The following ASB16 variants were observed in gnomAD, a reference collection of about 807,000 sequenced individuals.
ASB16 encodes the protein ankyrin repeat and SOCS box containing 16.
In ASB16, 44 loss-of-function variants were observed where a neutral mutation model predicts 39.1. That is an observed-to-expected ratio of 1.13 (90% CI 0.88 to 1.45). The LOEUF is 1.45. Among genes scored for constraint, ASB16 ranks in the 40% most tolerant of loss-of-function variants. The pLI is 0.00. For missense variants in ASB16, 698 were observed against 634.5 expected, an observed-to-expected ratio of 1.10 and a Z score of -1.07; for synonymous variants, 305 against 286.7, an observed-to-expected ratio of 1.06 and a Z score of -0.64.
rs926436702 is a variant in ASB16, at chr17:44,177,068, C to G, written c.900C>G (p.Ala300=). ...NACANGCGGL[A]ELLLRYGARA... ...GTGCCAACGGCTGCGGGGGCCTGGCCGAGCTGCTGCTGCGTTACGGGGCCC... is the reference window on the plus strand; with the variant it reads ...GTGCCAACGGCTGCGGGGGCCTGGCGGAGCTGCTGCTGCGTTACGGGGCCC... The change falls in exon 3 of 5, where the codon GCC becomes GCG. Residue 300 remains alanine (A), a synonymous_variant. Transcript: ENST00000293414. 1 of 1,472,334 alleles carries G rather than the reference C, an allele frequency of 6.8e-7. No homozygotes were observed. The highest frequency in any genetic ancestry group is 8.9e-7 in the Non-Finnish European group (1 of 1,124,836). 91.2% of individuals were successfully genotyped at this position (1,472,334 alleles called of 1,614,324 possible). A position where few individuals can be genotyped will look rare whatever the true frequency, so the allele number is the denominator to read the frequency against.
At chr17:44,172,678 T>TGCCTG in intron 2 of ASB16, among the ~76,000 whole-genome samples, 1 of 151,646 alleles carries the variant, frequency 6.6e-6, no homozygotes, top group South Asian at 2.1e-4. Flanking sequence ...CAGGCTGTAG[T>TGCCTG]GCAGTGGCGT....
At chr17:44,175,494 T>C (rs2054280762) in intron 2 of ASB16, among the ~76,000 whole-genome samples, 4 of 151,698 alleles carry the variant, frequency 2.6e-5, no homozygotes, top group Admixed American at 2.0e-4. Flanking sequence ...TTCAGTAGCT[T>C]ATGGAAGACT....
chr17:44,171,774 G>A lies in ASB16; in HGVS notation c.302-272G>A, dbSNP rs144467614. Among the ~76,000 whole-genome samples, 26 of 152,082 alleles carry A rather than the reference G, an allele frequency of 1.7e-4. No individual in the cohort carries two copies. The East Asian group carries it at 4.7e-3, about 27-fold the overall frequency. ...TAATGGGAGTCACTCTACTTAGTTG[G>A]CCCCTGTGGTTTTATACAGCAATTA... is the stretch of plus-strand genomic sequence containing the variant. On this transcript the variant is annotated intron_variant, in intron 1 of 4. Coordinates refer to ENST00000293414, the MANE Select transcript of ASB16 (RefSeq NM_080863.5).
At chr17:44,173,083 T>TAA (rs770273961) in intron 2 of ASB16, among the ~76,000 whole-genome samples, 973 of 77,528 alleles carry the variant, frequency 0.013, 30 homozygotes, top group African/African-American at 0.045. Context: ...GAGACTGTCT[T>TAA]AAAAAAAAAA....
At chr17:44,171,845 G>A (rs984181437) in intron 1 of ASB16, among the ~76,000 whole-genome samples, 6 of 152,044 alleles carry the variant, frequency 3.9e-5, no homozygotes, top group African/African-American at 1.4e-4. Flanking sequence ...TTGATAAGCT[G>A]TATTAAAAGG....
At chr17:44,174,335 G>A (rs925798768) in intron 2 of ASB16, among the ~76,000 whole-genome samples, 7 of 151,854 alleles carry the variant, frequency 4.6e-5, no homozygotes, top group African/African-American at 1.5e-4. Flanking sequence ...GTGAGCCACC[G>A]CGCCCGGCCC....
rs1240168135 is a variant in ASB16, at chr17:44,176,761, C to T, written c.593C>T (p.Ala198Val). The T allele has an allele frequency of 1.9e-6, 3 of 1,613,746 alleles. No individual in the cohort carries two copies. The highest frequency in any genetic ancestry group is 2.5e-6 in the Non-Finnish European group (3 of 1,179,950). The change falls in exon 3 of 5, where the codon GCA becomes GTA. Residue 198 changes from alanine (A) to valine (V), a missense_variant. Ala to Val is a moderately conservative substitution (Grantham distance 64). Coordinates refer to ENST00000293414, the MANE Select transcript of ASB16 (RefSeq NM_080863.5). ...AGGTGCGCCAAGTTGCTGCTGGAAG[C>T]AGGAGCGACGGTGAACCTGGCAGCA... ...SLQCAKLLLEAGATVNLAAGE... is the reference protein window; with the variant it reads ...SLQCAKLLLEVGATVNLAAGE...
intron 2 of ASB16, 144 bp downstream of exon 2, chr17:44,172,457 G>C (rs2144180667): frequency 1.0e-6 from 1 of 963,458 alleles, no homozygotes; most frequent in East Asian, 2.6e-5. Flanking sequence ...CAATAACCTG[G>C]AGACACCTCA....
At chr17:44,178,077 T>A (rs1426378418) in intron 4 of ASB16, 128 bp from the exon 5 acceptor site, 2 of 975,318 alleles carry the variant, frequency 2.1e-6, no homozygotes, top group Non-Finnish European at 1.5e-6. Context: ...TGGTTCTGAA[T>A]CTGAGTCCTT....
intron 2 of ASB16, 158 bp from the exon 3 acceptor site, chr17:44,176,580 A>C (rs538737379): frequency 9.1e-7 from 1 of 1,094,758 alleles, no homozygotes; most frequent in Admixed American, 1.8e-5. Context: ...AGGACCTTCC[A>C]ATTCTGTTGT....
At chr17:44,178,123 C>A in intron 4 of ASB16, 82 bp from the exon 5 acceptor site, 1 of 1,493,828 alleles carries the variant, frequency 6.7e-7, no homozygotes, top group Non-Finnish European at 9.2e-7. Context: ...GTGCATGCTG[C>A]AAAATCCCAG....
At position 44,177,667 on chromosome 17, in the gene ASB16, C is replaced by G; in HGVS notation, c.1121C>G (p.Pro374Arg). The change falls in exon 4 of 5, where the codon CCT becomes CGT. Residue 374 changes from proline (P) to arginine (R), a missense_variant. Pro to Arg is a moderately radical substitution (Grantham distance 103). Coordinates refer to ENST00000293414, the MANE Select transcript of ASB16 (RefSeq NM_080863.5). ...CTGGAAGTCCTGCTTAATGCCTATC[C>G]TTGTGTCCCATCCTGTGAGACCTGG... ...RALEVLLNAYPCVPSCETWVE... is the reference protein window; with the variant it reads ...RALEVLLNAYRCVPSCETWVE... 1 of 1,613,928 alleles carries G rather than the reference C, an allele frequency of 6.2e-7. No individual in the cohort carries two copies. The highest frequency in any genetic ancestry group is 8.5e-7 in the Non-Finnish European group (1 of 1,179,866).
At chr17:44,171,617 C>T (rs2054243698) in intron 1 of ASB16, among the ~76,000 whole-genome samples, 1 of 148,794 alleles carries the variant, frequency 6.7e-6, no homozygotes, top group Non-Finnish European at 1.5e-5. Flanking sequence ...TCATCTCGAA[C>T]TCCTGAGGTC....
chr17:44,177,816 C>G, intron 4 of ASB16, 94 bp downstream of exon 4: 1 of 1,524,864 alleles, frequency 6.6e-7, no homozygotes, highest in Non-Finnish European at 8.8e-7. Context: ...CAGGAGGGCC[C>G]CTGGGTAGAG....
intron 2 of ASB16, among the ~76,000 whole-genome samples, chr17:44,172,955 G>A (rs2054254450): frequency 6.6e-6 from 1 of 150,566 alleles, no homozygotes; most frequent in Non-Finnish European, 1.5e-5. Flanking sequence ...GAAAGATCTG[G>A]CCAGGTGTGG....
Position 44,170,741 on chromosome 17 carries a change from G to A in ASB16, c.-49G>A, listed in dbSNP as rs1449726100. ...AGCAAGGGAGGTAGTCGGGTCGAGG[G>A]AACCTGGCTCTGCCCAGGTGCCACT... On this transcript the variant is annotated 5_prime_UTR_variant, in exon 1 of 5. Coordinates refer to ENST00000293414, the MANE Select transcript of ASB16 (RefSeq NM_080863.5). The A allele has an allele frequency of 1.3e-6, 2 of 1,528,934 alleles. No individual in the cohort carries two copies. Among genetic ancestry groups the A allele is most frequent in the Non-Finnish European group, 1.8e-6 (2 of 1,138,402 alleles). 94.7% of individuals were successfully genotyped at this position (1,528,934 alleles called of 1,614,324 possible). A position where few individuals can be genotyped will look rare whatever the true frequency, so the allele number is the denominator to read the frequency against.
intron 2 of ASB16, among the ~76,000 whole-genome samples, chr17:44,173,500 T>C (rs542998344): frequency 2.0e-5 from 3 of 151,066 alleles, no homozygotes; most frequent in African/African-American, 7.3e-5. Context: ...TGAGAATAGT[T>C]TGGGCAACGT....
chr17:44,177,307 G>A (rs2054312513), intron 3 of ASB16, 77 bp downstream of exon 3: 2 of 1,454,282 alleles, frequency 1.4e-6, no homozygotes, highest in Non-Finnish European at 9.1e-7. Flanking sequence ...TTCTGGGGAA[G>A]ACAGAGGGTC....
rs779291102 is a variant in ASB16, at chr17:44,177,067, C to T, written c.899C>T (p.Ala300Val). ...TGTGCCAACGGCTGCGGGGGCCTGGCCGAGCTGCTGCTGCGTTACGGGGCC... is the reference window on the plus strand; with the variant it reads ...TGTGCCAACGGCTGCGGGGGCCTGGTCGAGCTGCTGCTGCGTTACGGGGCC... ...NACANGCGGL[A>V]ELLLRYGARA... The change falls in exon 3 of 5, where the codon GCC becomes GTC. Residue 300 changes from alanine (A) to valine (V), a missense_variant. Ala to Val is a moderately conservative substitution (Grantham distance 64). Coordinates refer to ENST00000293414, the MANE Select transcript of ASB16 (RefSeq NM_080863.5). 9 of 1,472,470 alleles carry T rather than the reference C, an allele frequency of 6.1e-6. No individual in the cohort carries two copies. The highest frequency in any genetic ancestry group is 8.0e-6 in the Non-Finnish European group (9 of 1,124,926). The allele number at this position is 1,472,470 out of a possible 1,614,324, so 91.2% of individuals were successfully genotyped here.
Sources: gnomAD v4.1 joint callset for allele counts (sites outside exome capture counted in the v4.1 genomes callset) on GRCh38, gnomAD v4.1.1 for gene constraint, MANE v1.5 for transcripts, NCBI Gene and HGNC (gene_info 2026-07-23, HGNC 2026-07-21) for gene names.